PRKAR1A: variants seen among roughly 807,000 people sequenced by gnomAD.
PRKAR1A encodes the protein protein kinase cAMP-dependent type I regulatory subunit alpha, also known as cAMP-dependent protein kinase type I-alpha regulatory subunit.
In PRKAR1A, 3 loss-of-function variants were observed where a neutral mutation model predicts 52.0. That is an observed-to-expected ratio of 0.06 (90% CI 0.03 to 0.15). The LOEUF (loss-of-function observed/expected upper bound fraction) is 0.15, where lower values mean the gene tolerates loss of function less well. Among genes scored for constraint, PRKAR1A ranks in the 10% least tolerant of loss-of-function variants. The probability of loss-of-function intolerance (pLI) is 1.00; values close to 1 mark genes in which losing one functional copy is unlikely to be tolerated. For missense variants in PRKAR1A, 240 were observed against 477.4 expected, an observed-to-expected ratio of 0.50 and a Z score of 4.63; for synonymous variants, 188 against 168.4, an observed-to-expected ratio of 1.12 and a Z score of -0.90.
chr17:68,491,086 C>CTTTT, the PRKAR1A span, among the ~76,000 whole-genome samples: 2 of 131,338 alleles, frequency 1.5e-5, no homozygotes, highest in South Asian at 5.0e-4. Flanking sequence ...ATGATTATTT[C>CTTTT]TTTCTTTCTT....
At chr17:68,429,627 C>T in the PRKAR1A span, among the ~76,000 whole-genome samples, 29 of 152,042 alleles carry the variant, frequency 1.9e-4, no homozygotes, top group African/African-American at 5.3e-4. Flanking sequence ...CTTGCTCTGT[C>T]GCCCAGGCTG....
chr17:68,426,253 G>GGGGGGC, the PRKAR1A span: 1 of 840,686 alleles, frequency 1.2e-6, no homozygotes, highest in Non-Finnish European at 1.9e-6. Context: ...GGGGAGCGGG[G>GGGGGGC]GCTCAAATAA....
At chr17:68,503,018 A>G in the PRKAR1A span, among the ~76,000 whole-genome samples, 1 of 152,220 alleles carries the variant, frequency 6.6e-6, no homozygotes, top group Non-Finnish European at 1.5e-5. Context: ...AAAGTGAAAA[A>G]TAATAAAATC....
chr17:68,419,488 AT>A, the PRKAR1A span, among the ~76,000 whole-genome samples: 2 of 152,198 alleles, frequency 1.3e-5, no homozygotes, highest in Non-Finnish European at 2.9e-5. Context: ...AGGCAGGAGA[AT>A]TGCTTGAACC....
chr17:68,542,050 G>C, intron 11 of PRKAR1A: 3 of 1,614,194 alleles, frequency 1.9e-6, no homozygotes, highest in Non-Finnish European at 1.7e-6. Context: ...TGGGGGCCAG[G>C]TTGAGGGACG....
chr17:68,437,892 A>G, the PRKAR1A span, among the ~76,000 whole-genome samples: 1 of 149,572 alleles, frequency 6.7e-6, no homozygotes, highest in Non-Finnish European at 1.5e-5. Flanking sequence ...CAGCAATTCC[A>G]TAGAAACCAA....
chr17:68,550,962 C>T (rs562412274), intron 11 of PRKAR1A: 26 of 866,644 alleles, frequency 3.0e-5, no homozygotes, highest in African/African-American at 2.6e-4. Flanking sequence ...TGGGCCTCCC[C>T]TTGAATGGCT....
intron 11 of PRKAR1A, among the ~76,000 whole-genome samples, chr17:68,550,765 C>T (rs946653590): frequency 6.6e-6 from 1 of 152,228 alleles, no homozygotes; most frequent in Non-Finnish European, 1.5e-5. Context: ...GTCCACTGGA[C>T]TCCCTGAGGG....
rs2085663220 is a variant in PRKAR1A, at chr17:68,522,934, T to G, written c.348+8T>G. 1.2e-6 allele frequency: 2 copies of G among 1,613,202 alleles called. No individual in the cohort carries two copies. Among genetic ancestry groups the G allele is most frequent in the Non-Finnish European group, 1.7e-6 (2 of 1,179,836 alleles). ...GCATCCTATGTTAGAAAGGTAGTTT[T>G]GATATTTGAATATCGGGGGGATGCT... On this transcript the variant is annotated splice_region_variant and intron_variant, in intron 3 of 10. Coordinates refer to ENST00000589228, the MANE Select transcript of PRKAR1A (RefSeq NM_002734.5).
intron 2 of PRKAR1A, among the ~76,000 whole-genome samples, chr17:68,519,186 T>C (rs1466609938): frequency 1.3e-5 from 2 of 152,190 alleles, no homozygotes; most frequent in African/African-American, 4.8e-5. Flanking sequence ...TGGGTATCCT[T>C]GTAACAGCAC....
At chr17:68,492,470 G>A in the PRKAR1A span, among the ~76,000 whole-genome samples, 1 of 152,160 alleles carries the variant, frequency 6.6e-6, no homozygotes, top group Non-Finnish European at 1.5e-5. Context: ...CTGTGACTGA[G>A]AGGAATTGTT....
chr17:68,506,934 C>G (rs1160134085), upstream of PRKAR1A, among the ~76,000 whole-genome samples: 1 of 152,142 alleles, frequency 6.6e-6, no homozygotes, highest in East Asian at 1.9e-4. Flanking sequence ...GCTTCAGGAT[C>G]TGTGACCACC....
At chr17:68,534,689 A>G (rs183700968), downstream of PRKAR1A, among the ~76,000 whole-genome samples, 88 of 151,736 alleles carry the variant, frequency 5.8e-4, no homozygotes, top group South Asian at 2.7e-3. Context: ...GTTGTGCCAT[A>G]TGTAGAAAAT....
At chr17:68,428,770 G>A in the PRKAR1A span, 3 of 1,356,414 alleles carry the variant, frequency 2.2e-6, no homozygotes, top group South Asian at 1.2e-5. Flanking sequence ...TCTTGGCGAA[G>A]GGACAACTCT....
chr17:68,469,097 G>A, the PRKAR1A span, among the ~76,000 whole-genome samples: 1 of 152,232 alleles, frequency 6.6e-6, no homozygotes, highest in African/African-American at 2.4e-5. Context: ...AAAGAGTCCT[G>A]CTTCAGTGAC....
rs187238502 is a variant in PRKAR1A, at chr17:68,523,558, G to C, written c.349-167G>C. On this transcript the variant is annotated intron_variant, in intron 3 of 10. Transcript: ENST00000589228. ...GGGGATTAATTAGTCAATACTTGTTGAGTAGTTTATGGATCAAAGATAGTA... is the reference window on the plus strand; with the variant it reads ...GGGGATTAATTAGTCAATACTTGTTCAGTAGTTTATGGATCAAAGATAGTA... 2.5e-4 allele frequency among the ~76,000 whole-genome samples: 38 copies of C among 152,330 alleles called. No homozygotes were observed. The East Asian group carries it at 2.5e-3, about 10-fold the overall frequency.
chr17:68,458,882 T>C, the PRKAR1A span, among the ~76,000 whole-genome samples: 6 of 152,186 alleles, frequency 3.9e-5, no homozygotes, highest in African/African-American at 1.2e-4. Flanking sequence ...GTAATTGCGG[T>C]TTTCCCCATT....
chr17:68,541,322 C>A, intron 11 of PRKAR1A: 1 of 301,170 alleles, frequency 3.3e-6, no homozygotes, highest in East Asian at 8.1e-5. Flanking sequence ...ATAGCACCTC[C>A]ATGGGCTGTT....
chr17:68,500,463 G>A, the PRKAR1A span, among the ~76,000 whole-genome samples: 1 of 151,796 alleles, frequency 6.6e-6, no homozygotes, highest in African/African-American at 2.4e-5. Flanking sequence ...ACATGGAACT[G>A]TGAGTCCATT....
Sources: allele counts gnomAD v4.1 joint callset (sites outside exome capture counted in the v4.1 genomes callset), GRCh38; gene constraint gnomAD v4.1.1; transcripts MANE v1.5; gene names NCBI Gene and HGNC (gene_info 2026-07-23, HGNC 2026-07-21).